The following VEGFD variants were observed in gnomAD, a reference collection of about 807,000 sequenced individuals.
VEGFD encodes vascular endothelial growth factor D.
VEGFD carries 26 observed loss-of-function variants against 28.0 expected under a neutral mutation model. That is an observed-to-expected ratio of 0.93 (90% CI 0.68 to 1.29). The LOEUF (loss-of-function observed/expected upper bound fraction) is 1.29, where lower values mean the gene tolerates loss of function less well. Ranked by LOEUF, VEGFD falls within the 50% of genes most tolerant of loss-of-function variation. VEGFD has a pLI of 0.00. For missense variants in VEGFD, 294 were observed against 273.4 expected, an observed-to-expected ratio of 1.08 and a Z score of -0.53; for synonymous variants, 93 against 95.5, an observed-to-expected ratio of 0.97 and a Z score of 0.15.
rs934670759 is a variant in VEGFD at position 15,384,377 on chromosome X, C to T, written c.-431G>A. ...CCAACTCTGGATTGAAACTTTTTTGCACAACCTTCATGGAAGCTTGCAGAA... is the reference window on the plus strand; with the variant it reads ...CCAACTCTGGATTGAAACTTTTTTGTACAACCTTCATGGAAGCTTGCAGAA... On this transcript the variant is annotated 5_prime_UTR_variant, in exon 1 of 7. Coordinates refer to ENST00000297904, the MANE Select transcript of VEGFD (RefSeq NM_004469.5). 4 of 125,642 alleles carry T rather than the reference C, an allele frequency of 3.2e-5. 1 individual carries two copies. Among genetic ancestry groups the T allele is most frequent in the Non-Finnish European group, 6.4e-5 (4 of 62,190 alleles). The allele number at this position is 125,642 out of a possible 1,213,427, so 10.4% of individuals were successfully genotyped here.
rs202026161 is a variant in VEGFD, at chrX:15,361,236, T to C, written c.301+1873A>G. Among the ~76,000 whole-genome samples the C allele has an allele frequency of 5.3e-5, 6 of 112,589 alleles. No homozygotes were observed. The East Asian group carries it at 8.4e-4, about 16-fold the overall frequency. ...TCTTGGTTTTATGGTAACGTTCATG[T>C]TCATGAAATAGCTCCAGGTTCACCT... is the stretch of plus-strand genomic sequence containing the variant. On this transcript the variant is annotated intron_variant, in intron 2 of 6. Transcript: ENST00000297904.
At chrX:15,351,310 G>T (rs1395345026) in intron 5 of VEGFD, among the ~76,000 whole-genome samples, 15 of 104,666 alleles carry the variant, frequency 1.4e-4, no homozygotes, top group Non-Finnish European at 2.7e-4. Context: ...TAGTAGAGAC[G>T]GGGTTTCACC....
intron 4 of VEGFD, among the ~76,000 whole-genome samples, chrX:15,353,538 G>C (rs1483189004): frequency 9.0e-6 from 1 of 111,692 alleles, no homozygotes; most frequent in Non-Finnish European, 1.9e-5. Context: ...TCGGGAGTTC[G>C]AGACCAGCCT....
chrX:15,351,677 C>T (rs1169986013), intron 5 of VEGFD, among the ~76,000 whole-genome samples: 1 of 112,202 alleles, frequency 8.9e-6, no homozygotes, highest in East Asian at 2.8e-4. Context: ...GACTATTGGG[C>T]ATGAAATAGA....
At chrX:15,363,042 A>G (rs1164419371) in intron 2 of VEGFD, 67 bp downstream of exon 2, 4 of 1,059,620 alleles carry the variant, frequency 3.8e-6, no homozygotes, top group Non-Finnish European at 5.2e-6. Context: ...AGACTTTTGG[A>G]GAAAGTAAGT....
Position 15,345,908 on chromosome X carries a change from C to T in VEGFD, c.*225G>A. On this transcript the variant is annotated 3_prime_UTR_variant, in exon 7 of 7. Transcript: ENST00000297904. ...ACTAAACAAAAGGATTACATGGGTC[C>T]CCTCCTCTCCATTCCTTGGTGCGCA... 1 of 389,290 alleles carries T rather than the reference C, an allele frequency of 2.6e-6. No homozygotes were observed. Among genetic ancestry groups the T allele is most frequent in the Non-Finnish European group, 4.4e-6 (1 of 227,377 alleles). The allele number at this position is 389,290 out of a possible 1,213,427, so 32.1% of individuals were successfully genotyped here.
At chrX:15,356,296 G>C (rs1372959147) in intron 3 of VEGFD, among the ~76,000 whole-genome samples, 1 of 111,904 alleles carries the variant, frequency 8.9e-6, no homozygotes, top group Non-Finnish European at 1.9e-5. Context: ...ATTCCATGTA[G>C]TCCTTACTAC....
intron 1 of VEGFD, among the ~76,000 whole-genome samples, chrX:15,377,115 G>A (rs16979874): frequency 0.01 from 1,178 of 112,428 alleles, 12 homozygotes; most frequent in African/African-American, 0.035. Context: ...CACTGGCCAA[G>A]TTGAACTCCC....
At chrX:15,368,037 A>AAG (rs1332776369) in intron 1 of VEGFD, among the ~76,000 whole-genome samples, 35 of 105,407 alleles carry the variant, frequency 3.3e-4, no homozygotes, top group East Asian at 1.7e-3. Flanking sequence ...AAAGGAAAGA[A>AAG]GAAAGAAAGA....
At chrX:15,381,529 TAA>T (rs35184475) in intron 1 of VEGFD, among the ~76,000 whole-genome samples, 53 of 86,326 alleles carry the variant, frequency 6.1e-4, no homozygotes, top group Middle Eastern at 6.1e-3. Context: ...TTTCAAAAAG[TAA>T]AAAAAAAAAA....
In VEGFD at chrX:15,358,094, G is replaced by A; in HGVS notation, c.401C>T (p.Pro134Leu). 2 of 1,211,249 alleles carry A rather than the reference G, an allele frequency of 1.7e-6. No homozygotes were observed. The highest frequency in any genetic ancestry group is 2.2e-6 in the Non-Finnish European group (2 of 895,100). ...ACATCGGAACACGTTCACACAAGGGGGCTTGAAGAATGTGTTGGTACTCTT... is the reference window on the plus strand; with the variant it reads ...ACATCGGAACACGTTCACACAAGGGAGCTTGAAGAATGTGTTGGTACTCTT... ...LGKSTNTFFKPPCVNVFRCGG... is the reference protein window; with the variant it reads ...LGKSTNTFFKLPCVNVFRCGG... The change falls in exon 3 of 7, where the codon CCC (proline) becomes CTC (leucine). Residue 134 changes from proline to leucine, a missense_variant. Transcript: ENST00000297904.
intron 1 of VEGFD, among the ~76,000 whole-genome samples, chrX:15,375,648 G>A (rs769611255): frequency 2.6e-4 from 29 of 112,155 alleles, no homozygotes; most frequent in African/African-American, 9.4e-4. Flanking sequence ...AATCCAAGTT[G>A]TTTAATTAAA....
Position 15,372,674 on chromosome X carries a change from A to G in VEGFD, c.91-9355T>C, listed in dbSNP as rs187246746. Among the ~76,000 whole-genome samples the G allele has an allele frequency of 1.3e-4, 15 of 111,492 alleles. 1 individual carries two copies. The East Asian group carries it at 4.2e-3, about 31-fold the overall frequency. On this transcript the variant is annotated intron_variant, in intron 1 of 6. Coordinates refer to ENST00000297904, the MANE Select transcript of VEGFD (RefSeq NM_004469.5). ...GAACTCTCTATATTGTCTCTCTACT[A>G]CTAATTTAGGGCATGAGAAATGCTG... is the stretch of plus-strand genomic sequence containing the variant.
At chrX:15,354,381 C>T (rs1922812456) in intron 4 of VEGFD, among the ~76,000 whole-genome samples, 1 of 110,590 alleles carries the variant, frequency 9.0e-6, no homozygotes, top group Non-Finnish European at 1.9e-5. Context: ...TGGAGAGAGG[C>T]GGGAGGTGTC....
At chrX:15,355,961 T>C (rs2052317596) in intron 3 of VEGFD, among the ~76,000 whole-genome samples, 1 of 112,344 alleles carries the variant, frequency 8.9e-6, no homozygotes, top group Non-Finnish European at 1.9e-5. Flanking sequence ...ATCATTGTTG[T>C]TTGGAACCAC....
intron 1 of VEGFD, among the ~76,000 whole-genome samples, chrX:15,364,581 T>A (rs1037564525): frequency 8.9e-6 from 1 of 112,009 alleles, no homozygotes; most frequent in African/African-American, 3.2e-5. Context: ...GATAAGGTGA[T>A]CTATCTATGG....
At chrX:15,353,029 T>A in intron 5 of VEGFD, 39 bp downstream of exon 5, 1 of 848,756 alleles carries the variant, frequency 1.2e-6, no homozygotes, top group Non-Finnish European at 1.7e-6. Context: ...GTTGCTACTT[T>A]TATTATTACT....
intron 5 of VEGFD, among the ~76,000 whole-genome samples, chrX:15,352,379 A>G (rs996376103): frequency 2.8e-5 from 3 of 107,315 alleles, no homozygotes; most frequent in African/African-American, 1.0e-4. Context: ...AAATGCATTC[A>G]TTTTCAAGCA....
In VEGFD at chrX:15,374,930, GGGTCA is replaced by G. The variant is rs1466075900; in HGVS notation, c.90+8922_90+8926del. On this transcript the variant is annotated intron_variant, in intron 1 of 6. Coordinates refer to ENST00000297904, the MANE Select transcript of VEGFD (RefSeq NM_004469.5). The stretch of plus-strand genomic sequence containing the variant: ...ATCATATGTGGTCATATGTAGGAAA[GGGTCA>G]GGTATATGGTAGGCACACAATAAAT... Among the ~76,000 whole-genome samples the G allele has an allele frequency of 6.3e-5, 7 of 110,806 alleles. No homozygotes were observed. In the South Asian group the frequency reaches 2.3e-3, roughly 37 times the overall value.
Sources: gnomAD v4.1 joint callset for allele counts (sites outside exome capture counted in the v4.1 genomes callset) on GRCh38, gnomAD v4.1.1 for gene constraint, MANE v1.5 for transcripts, NCBI Gene and HGNC (gene_info 2026-07-23, HGNC 2026-07-21) for gene names.